The following KHDRBS3 variants were observed in gnomAD, a reference collection of about 807,000 sequenced individuals.
The protein encoded by KHDRBS3 is KH RNA binding domain containing, signal transduction associated 3.
In KHDRBS3, 23 loss-of-function variants were observed where a neutral mutation model predicts 45.6. The ratio of observed to expected loss-of-function variants is 0.50; its 90% CI spans 0.36 to 0.72. KHDRBS3 has a LOEUF of 0.72. Among genes scored for constraint, KHDRBS3 ranks in the 30% least tolerant of loss-of-function variants. The pLI is 0.00. For synonymous variants in KHDRBS3, 162 were observed against 156.5 expected (o/e 1.04, Z -0.26); for missense variants, 352 against 424.8 (o/e 0.83, Z 1.51).
At chr8:135,533,074 C>T (rs190677872) in intron 2 of KHDRBS3, among the ~76,000 whole-genome samples, 7 of 152,054 alleles carry the variant, frequency 4.6e-5, no homozygotes, top group Non-Finnish European at 7.4e-5. Context: ...TTTATGATGG[C>T]GTGAAAGCAA....
At chr8:135,650,281 A>G (rs1174129139), downstream of KHDRBS3, among the ~76,000 whole-genome samples, 5 of 152,148 alleles carry the variant, frequency 3.3e-5, no homozygotes, top group Non-Finnish European at 2.9e-5. Flanking sequence ...TGAAGAAACC[A>G]TACCCGTCCT....
chr8:135,552,654 T>A (rs1826669672), intron 4 of KHDRBS3, among the ~76,000 whole-genome samples: 3 of 152,208 alleles, frequency 2.0e-5, no homozygotes, highest in Admixed American at 2.0e-4. Flanking sequence ...TTTTTTAATT[T>A]TTTTTATTTT....
At chr8:135,548,988 A>G (rs922971671) in intron 4 of KHDRBS3, 88 bp downstream of exon 4, 39 of 898,438 alleles carry the variant, frequency 4.3e-5, no homozygotes, top group Non-Finnish European at 6.0e-5. Context: ...TGTTATTTGC[A>G]TAGCTCCTTT....
At chr8:135,582,795 T>C (rs953277418) in intron 6 of KHDRBS3, among the ~76,000 whole-genome samples, 1 of 152,208 alleles carries the variant, frequency 6.6e-6, no homozygotes, top group Non-Finnish European at 1.5e-5. Context: ...AAAATGCAAG[T>C]ATCAGTAGGT....
intron 7 of KHDRBS3, among the ~76,000 whole-genome samples, chr8:135,644,582 G>T (rs1008089539): frequency 3.3e-5 from 5 of 152,224 alleles, no homozygotes; most frequent in Non-Finnish European, 5.9e-5. Context: ...GGTGTAAGAA[G>T]AAATAAAGTC....
At position 135,572,366 on chromosome 8, in the gene KHDRBS3, C is replaced by T. The variant is rs190579731; in HGVS notation, c.612-9512C>T. ...ACTGTCTTATTTGTCAATAATTTTA[C>T]CAGGAACCAGTTTGTAACTTGTTAA... On this transcript the variant is annotated intron_variant, in intron 5 of 8. Transcript: ENST00000355849. 3.3e-5 allele frequency among the ~76,000 whole-genome samples: 5 copies of T among 152,236 alleles called. No homozygotes were observed. In the East Asian group the frequency reaches 9.6e-4, roughly 29 times the overall value.
rs572110939 is a variant in KHDRBS3 at position 135,577,964 on chromosome 8, A to G, written c.612-3914A>G. ...AGAAGTGGTATCTCACTTTTGTTGT[A>G]GTTTGAATTCCCTAGTGACAAATGA... On this transcript the variant is annotated intron_variant, in intron 5 of 8. Coordinates refer to ENST00000355849, the MANE Select transcript of KHDRBS3 (RefSeq NM_006558.3). 4.6e-5 allele frequency among the ~76,000 whole-genome samples: 7 copies of G among 152,262 alleles called. No individual in the cohort carries two copies. In the East Asian group the frequency reaches 1.2e-3, roughly 25 times the overall value.
At chr8:135,631,971 T>A (rs539941732) in intron 7 of KHDRBS3, among the ~76,000 whole-genome samples, 2 of 152,342 alleles carry the variant, frequency 1.3e-5, no homozygotes, top group Admixed American at 6.5e-5. Context: ...ATAGAAATAT[T>A]TCAGCTCCAT....
At chr8:135,489,172 T>C (rs770434363) in intron 1 of KHDRBS3, among the ~76,000 whole-genome samples, 6 of 152,182 alleles carry the variant, frequency 3.9e-5, no homozygotes, top group Admixed American at 1.3e-4. Context: ...TTCTGTCCAA[T>C]GCCTTCCCCA....
At chr8:135,608,833 T>C (rs1452166693) in intron 7 of KHDRBS3, among the ~76,000 whole-genome samples, 1 of 152,244 alleles carries the variant, frequency 6.6e-6, no homozygotes, top group Non-Finnish European at 1.5e-5. Context: ...AGCATGTTAC[T>C]ATACTGAATA....
At chr8:135,474,559 CT>C (rs1314112112) in intron 1 of KHDRBS3, among the ~76,000 whole-genome samples, 1 of 152,142 alleles carries the variant, frequency 6.6e-6, no homozygotes, top group East Asian at 1.9e-4. Context: ...TCTCTAAATT[CT>C]TTGTGGCAAG....
chr8:135,549,410 C>A (rs1195156034), intron 4 of KHDRBS3: 1 of 152,106 alleles, frequency 6.6e-6, no homozygotes. Context: ...CATAATGAGC[C>A]CAGAGGGGAT....
intron 1 of KHDRBS3, among the ~76,000 whole-genome samples, chr8:135,510,749 T>C (rs890843626): frequency 1.3e-5 from 2 of 152,156 alleles, no homozygotes; most frequent in Admixed American, 1.3e-4. Context: ...TGGTTTTTGA[T>C]TGGTAGTCTC....
chr8:135,583,051 C>G (rs1828292046), intron 6 of KHDRBS3, among the ~76,000 whole-genome samples: 1 of 152,176 alleles, frequency 6.6e-6, no homozygotes, highest in Non-Finnish European at 1.5e-5. Flanking sequence ...GAATGGTGTT[C>G]TTATGTTTCA....
chr8:135,605,449 A>G (rs1051700120), intron 6 of KHDRBS3, among the ~76,000 whole-genome samples: 2 of 152,086 alleles, frequency 1.3e-5, no homozygotes, highest in African/African-American at 4.8e-5. Context: ...TTTAGTTATT[A>G]TACTTCGCAA....
intron 7 of KHDRBS3, among the ~76,000 whole-genome samples, chr8:135,621,987 C>T (rs35818214): frequency 0.39 from 59,704 of 151,874 alleles, 12,810 homozygotes; most frequent in South Asian, 0.53. Context: ...GTGGAGCACC[C>T]GGAGCCTGGC....
chr8:135,608,606 G>A (rs894159861), intron 7 of KHDRBS3, among the ~76,000 whole-genome samples: 1 of 152,162 alleles, frequency 6.6e-6, no homozygotes, highest in Non-Finnish European at 1.5e-5. Flanking sequence ...CTTAATCCTG[G>A]TACATTTGTG....
At chr8:135,500,115 A>G (rs1382721982) in intron 1 of KHDRBS3, among the ~76,000 whole-genome samples, 1 of 152,206 alleles carries the variant, frequency 6.6e-6, no homozygotes. Context: ...CTCATCCCAG[A>G]AAATCACTGC....
At chr8:135,506,682 G>A (rs567985483) in intron 1 of KHDRBS3, among the ~76,000 whole-genome samples, 46 of 152,226 alleles carry the variant, frequency 3.0e-4, no homozygotes, top group Non-Finnish European at 5.6e-4. Context: ...GATTACAGGC[G>A]TGAGCCACTG....
Sources: allele counts gnomAD v4.1 joint callset (sites outside exome capture counted in the v4.1 genomes callset), GRCh38; gene constraint gnomAD v4.1.1; transcripts MANE v1.5; gene names NCBI Gene and HGNC (gene_info 2026-07-23, HGNC 2026-07-21).